EYS: variants seen among roughly 807,000 people sequenced by gnomAD.
EYS encodes EGF-like photoreceptor maintenance factor, also known as protein eyes shut homolog.
Under a neutral mutation model 282.1 loss-of-function variants are expected in EYS, and 250 were observed. The ratio of observed to expected loss-of-function variants is 0.89; its 90% CI spans 0.80 to 0.98. The LOEUF is 0.98. Ranked by LOEUF, EYS falls within the 50% of genes least tolerant of loss-of-function variation. The pLI is 0.00. For synonymous variants in EYS, 1,355 were observed against 1,282.9 expected, an observed-to-expected ratio of 1.06 and a Z score of -1.20; for missense variants, 4,016 against 3,709.0, an observed-to-expected ratio of 1.08 and a Z score of -2.15.
At chr6:64,556,998 A>C (rs1765253521) in intron 26 of EYS, among the ~76,000 whole-genome samples, 1 of 151,996 alleles carries the variant, frequency 6.6e-6, no homozygotes, top group African/African-American at 2.4e-5. Context: ...TAAGAGAAAA[A>C]GTAACTACAA....
intron 12 of EYS, among the ~76,000 whole-genome samples, chr6:65,153,405 G>GTGTGTGTC (rs1554161420): frequency 4.1e-5 from 6 of 145,910 alleles, no homozygotes; most frequent in African/African-American, 1.6e-4. Context: ...GTGTGTGTGT[G>GTGTGTGTC]TGTGTGTGTT....
At chr6:65,584,932 T>C (rs354358) in intron 2 of EYS, among the ~76,000 whole-genome samples, 75,382 of 149,924 alleles carry the variant, frequency 0.5, 19,198 homozygotes, top group East Asian at 0.65. Context: ...TCTCTCTGTC[T>C]CCAAACTTTG....
At chr6:64,850,539 A>T (rs1264858896) in intron 19 of EYS, among the ~76,000 whole-genome samples, 1 of 152,138 alleles carries the variant, frequency 6.6e-6, no homozygotes. Context: ...CATATTAGAA[A>T]GGGAAATAAG....
chr6:63,844,300 G>T (rs1307229231), intron 36 of EYS, among the ~76,000 whole-genome samples: 3 of 152,154 alleles, frequency 2.0e-5, no homozygotes, highest in African/African-American at 7.2e-5. Context: ...ATTGTGAATA[G>T]TGCTGCAATG....
intron 24 of EYS, among the ~76,000 whole-genome samples, chr6:64,612,244 A>G (rs548059131): frequency 6.6e-6 from 1 of 152,094 alleles, no homozygotes; most frequent in Non-Finnish European, 1.5e-5. Context: ...CTATATAAAC[A>G]TCTGTGTTTT....
rs1770307692 is a variant in EYS, at chr6:65,344,159, C to T, written c.1478G>A (p.Cys493Tyr). ...LGFAGSEGEKCQGVIDAYFFL... is the reference protein window; with the variant it reads ...LGFAGSEGEKYQGVIDAYFFL... ...GAAATAGGCATCAATAACCCCTTGG[C>T]ACTTTTCGCCTTCAGATCCTTTAAA... The change falls in exon 10 of 43, where the codon TGC becomes TAC. Residue 493 changes from cysteine (C) to tyrosine (Y), a missense_variant. Transcript: ENST00000503581. The T allele has an allele frequency of 6.2e-7, 1 of 1,609,462 alleles. No homozygotes were observed. The highest frequency in any genetic ancestry group is 8.5e-7 in the Non-Finnish European group (1 of 1,177,042).
At chr6:65,580,451 G>A (rs1212161410) in intron 2 of EYS, among the ~76,000 whole-genome samples, 2 of 152,046 alleles carry the variant, frequency 1.3e-5, no homozygotes, top group South Asian at 2.1e-4. Context: ...AATTACAAAA[G>A]TAATTGAGAG....
In EYS at chr6:65,295,933, G is replaced by A; in HGVS notation, c.1953C>T (p.Ser651=). 6.4e-7 allele frequency: 1 copy of A among 1,550,816 alleles called. No homozygotes were observed. The highest frequency in any genetic ancestry group is 2.0e-5 in the Admixed American group (1 of 50,936). ...GTGTACTAGTTGTTCCATTTTTGCA[G>A]GACGCAGATTTGCAGTCTTCAGTAT... is the stretch of plus-strand genomic sequence containing the variant. ...EIDTEDCKSA[S]CKNGTTSTHL... The change falls in exon 12 of 43, where the codon TCC becomes TCT. Residue 651 remains serine (S), a synonymous_variant. Transcript: ENST00000503581.
intron 1 of EYS, among the ~76,000 whole-genome samples, chr6:65,672,844 C>T (rs567551154): frequency 2.6e-5 from 4 of 152,152 alleles, no homozygotes; most frequent in East Asian, 1.9e-4. Context: ...TGGGTGCAGG[C>T]GGGCTGAGTC....
chr6:63,723,248 TTAAC>T (rs546063826), intron 42 of EYS, among the ~76,000 whole-genome samples: 117 of 152,298 alleles, frequency 7.7e-4, no homozygotes, highest in African/African-American at 2.6e-3. Flanking sequence ...TATAGCATTT[TTAAC>T]TATAAGGAAA....
chr6:64,227,461 T>A (rs1448897013), intron 31 of EYS, among the ~76,000 whole-genome samples: 1 of 152,088 alleles, frequency 6.6e-6, no homozygotes, highest in Non-Finnish European at 1.5e-5. Context: ...AGTACAGTAA[T>A]ATAGCATGGT....
intron 12 of EYS, among the ~76,000 whole-genome samples, chr6:65,220,171 A>G (rs980071134): frequency 1.3e-5 from 2 of 152,100 alleles, no homozygotes; most frequent in South Asian, 2.1e-4. Context: ...TATTGTTTAC[A>G]TCAAAAAGAC....
intron 30 of EYS, among the ~76,000 whole-genome samples, chr6:64,277,859 A>C (rs1467274212): frequency 2.0e-5 from 3 of 152,158 alleles, no homozygotes; most frequent in African/African-American, 7.2e-5. Flanking sequence ...TACTTTTAAG[A>C]TCACATTTGA....
intron 41 of EYS, among the ~76,000 whole-genome samples, chr6:63,738,037 A>G (rs1347625122): frequency 2.6e-5 from 4 of 152,176 alleles, no homozygotes; most frequent in African/African-American, 7.2e-5. Context: ...CCACAATGAG[A>G]TATCATCTCA....
chr6:65,060,782 G>A (rs1773550700), intron 12 of EYS, among the ~76,000 whole-genome samples: 2 of 143,844 alleles, frequency 1.4e-5, no homozygotes, highest in East Asian at 4.1e-4. Flanking sequence ...ATATATATGT[G>A]TATATATATA....
chr6:64,358,963 A>C (rs557305945), intron 29 of EYS, among the ~76,000 whole-genome samples: 5 of 151,764 alleles, frequency 3.3e-5, no homozygotes, highest in African/African-American at 1.2e-4. Context: ...ACAATATCCT[A>C]TTTTTCCTAT....
intron 14 of EYS, among the ~76,000 whole-genome samples, chr6:64,964,604 A>C (rs939756146): frequency 2.0e-5 from 3 of 152,194 alleles, no homozygotes; most frequent in African/African-American, 7.2e-5. Flanking sequence ...CCAGCAAGCA[A>C]TTCATCAAAG....
At chr6:63,732,166 C>T (rs374796214) in intron 41 of EYS, among the ~76,000 whole-genome samples, 19 of 151,988 alleles carry the variant, frequency 1.3e-4, no homozygotes, top group East Asian at 7.7e-4. Context: ...CCTCCTAACT[C>T]GTGCTTTTCC....
At chr6:64,887,451 A>G (rs1767132861) in intron 18 of EYS, among the ~76,000 whole-genome samples, 1 of 152,110 alleles carries the variant, frequency 6.6e-6, no homozygotes, top group South Asian at 2.1e-4. Flanking sequence ...AAACAAAAAA[A>G]AAGAAATAAT....
Sources: allele counts gnomAD v4.1 joint callset (sites outside exome capture counted in the v4.1 genomes callset), GRCh38; gene constraint gnomAD v4.1.1; transcripts MANE v1.5; gene names NCBI Gene and HGNC (gene_info 2026-07-23, HGNC 2026-07-21).